KDM4C: variants seen among roughly 807,000 people sequenced by gnomAD.
KDM4C encodes lysine demethylase 4C.
In KDM4C, 81 loss-of-function variants were observed where a neutral mutation model predicts 129.3. The observed-to-expected ratio is 0.63, with a 90% CI of 0.52 to 0.75. The LOEUF is 0.75. Ranked by LOEUF, KDM4C falls within the 30% of genes least tolerant of loss-of-function variation. KDM4C has a pLI of 0.00. For synonymous variants in KDM4C, 573 were observed against 456.1 expected, an observed-to-expected ratio of 1.26 and a Z score of -3.26; for missense variants, 1,457 against 1,304.0, an observed-to-expected ratio of 1.12 and a Z score of -1.81.
chr9:6,969,084 G>T (rs73397827), intron 8 of KDM4C, among the ~76,000 whole-genome samples: 2,990 of 151,988 alleles, frequency 0.02, 109 homozygotes, highest in African/African-American at 0.069. Context: ...CACAGGCACG[G>T]ATCACCACAC....
At chr9:6,834,863 C>G in intron 4 of KDM4C, 1 of 1,339,860 alleles carries the variant, frequency 7.5e-7, no homozygotes, top group Non-Finnish European at 1.1e-6. Flanking sequence ...CATGGCCATC[C>G]AGCCCGTGCT....
At chr9:6,805,257 T>G (rs532254974) in intron 2 of KDM4C, among the ~76,000 whole-genome samples, 8 of 152,198 alleles carry the variant, frequency 5.3e-5, no homozygotes, top group African/African-American at 1.9e-4. Flanking sequence ...CAAACTGTTT[T>G]AATTAGAATT....
chr9:6,858,929 T>C (rs750259803), intron 5 of KDM4C, among the ~76,000 whole-genome samples: 4 of 152,152 alleles, frequency 2.6e-5, no homozygotes, highest in Admixed American at 1.3e-4. Context: ...AATTTAATAT[T>C]TGTTATGCAA....
At chr9:7,129,967 C>A (rs964360629) in intron 19 of KDM4C, among the ~76,000 whole-genome samples, 1 of 152,104 alleles carries the variant, frequency 6.6e-6, no homozygotes, top group Admixed American at 6.6e-5. Context: ...ACATGTAATC[C>A]GTCTCTAGAA....
At chr9:7,103,581 T>C (rs1243064794) in intron 17 of KDM4C, 104 bp from the exon 18 acceptor site, 1 of 334,202 alleles carries the variant, frequency 3.0e-6, no homozygotes. Context: ...TAATCAGTTG[T>C]TTTTTTTTTT....
At chr9:6,841,169 G>A (rs1200244494) in intron 4 of KDM4C, among the ~76,000 whole-genome samples, 1 of 152,090 alleles carries the variant, frequency 6.6e-6, no homozygotes, top group Non-Finnish European at 1.5e-5. Flanking sequence ...TTCTAATGAA[G>A]TGGTAGTTCC....
intron 17 of KDM4C, among the ~76,000 whole-genome samples, chr9:7,071,366 A>G (rs1217024037): frequency 2.6e-5 from 4 of 152,190 alleles, no homozygotes; most frequent in Non-Finnish European, 4.4e-5. Flanking sequence ...ACAAAATTGG[A>G]TGAATCTCAC....
intron 15 of KDM4C, among the ~76,000 whole-genome samples, chr9:7,038,123 A>G (rs535471145): frequency 2.6e-4 from 40 of 152,232 alleles, no homozygotes; most frequent in Non-Finnish European, 4.9e-4. Context: ...TTTTCATCTA[A>G]TTAAAAGAAA....
chr9:6,812,819 A>G (rs538716092), intron 3 of KDM4C, among the ~76,000 whole-genome samples: 29 of 152,316 alleles, frequency 1.9e-4, no homozygotes, highest in African/African-American at 6.5e-4. Flanking sequence ...ACTGGAACCT[A>G]CTAGCAGAAG....
Position 7,165,263 on chromosome 9 carries a change from C to T in KDM4C, c.2807C>T (p.Pro936Leu), listed in dbSNP as rs1235209479. 4.3e-6 allele frequency: 7 copies of T among 1,614,036 alleles called. No homozygotes were observed. The highest frequency in any genetic ancestry group is 5.9e-6 in the Non-Finnish European group (7 of 1,180,026). ...AGCCGAGACTGTCTGAAGCTGGGCC[C>T]ACCTGCTGAGGGAGAAGTCGTCCAA... ...IVSRDCLKLG[P>L]PAEGEVVQVK... The change falls in exon 20 of 22, where the codon CCA (proline) becomes CTA (leucine). Residue 936 changes from proline (P) to leucine (L), a missense_variant. Coordinates refer to ENST00000381309, the MANE Select transcript of KDM4C (RefSeq NM_015061.6).
chr9:6,963,569 G>C (rs1830374280), intron 8 of KDM4C, among the ~76,000 whole-genome samples: 1 of 152,220 alleles, frequency 6.6e-6, no homozygotes. Context: ...AATACAGTTG[G>C]TGCAACAAGG....
In KDM4C at chr9:7,012,390, T is replaced by C. The variant is rs114655906; in HGVS notation, c.1968+511T>C. Among the ~76,000 whole-genome samples the C allele has an allele frequency of 8.3e-3, 1,260 of 152,320 alleles. 19 individuals carry two copies. Among genetic ancestry groups the C allele is most frequent in the African/African-American group, 0.028 (1,161 of 41,568 alleles). ...TTTCATGGGTGGGTTACTTTCAACT[T>C]TTCTATCTCTTTTACTAAGAAACAC... is the stretch of plus-strand genomic sequence containing the variant. On this transcript the variant is annotated intron_variant, in intron 13 of 21. Coordinates refer to ENST00000381309, the MANE Select transcript of KDM4C (RefSeq NM_015061.6).
At chr9:7,064,445 GT>G (rs1832135891) in intron 17 of KDM4C, among the ~76,000 whole-genome samples, 1 of 152,188 alleles carries the variant, frequency 6.6e-6, no homozygotes, top group Admixed American at 6.5e-5. Flanking sequence ...AGTTTCAATA[GT>G]CAGGTGAAAG....
chr9:6,726,301 G>A (rs914168878), intron 1 of KDM4C, among the ~76,000 whole-genome samples: 1 of 152,188 alleles, frequency 6.6e-6, no homozygotes, highest in African/African-American at 2.4e-5. Context: ...CTATTTGTCT[G>A]AAGTGTAAAT....
chr9:6,787,030 A>G (rs561579986), intron 1 of KDM4C, among the ~76,000 whole-genome samples: 2 of 152,340 alleles, frequency 1.3e-5, no homozygotes, highest in Non-Finnish European at 2.9e-5. Flanking sequence ...AACCTAAGCT[A>G]TCTAGGTCTT....
chr9:6,963,724 C>T lies in KDM4C; in HGVS notation c.922-17201C>T, dbSNP rs563993470. Among the ~76,000 whole-genome samples, 8 of 152,252 alleles carry T rather than the reference C, an allele frequency of 5.3e-5. No individual in the cohort carries two copies. In the South Asian group the frequency reaches 6.2e-4, roughly 12 times the overall value. ...GCAATGTGTCCTGTCCTGTGTCTTC[C>T]GCACATTCTTCCAGAGAAGCATCAT... On this transcript the variant is annotated intron_variant, in intron 8 of 21. Coordinates refer to ENST00000381309, the MANE Select transcript of KDM4C (RefSeq NM_015061.6).
At chr9:7,080,306 C>G (rs1834384369) in intron 17 of KDM4C, among the ~76,000 whole-genome samples, 1 of 152,264 alleles carries the variant, frequency 6.6e-6, no homozygotes, top group East Asian at 1.9e-4. Flanking sequence ...ACCCTAGAGC[C>G]CAAATGTTGA....
intron 8 of KDM4C, among the ~76,000 whole-genome samples, chr9:6,896,130 A>T (rs1362475388): frequency 6.6e-6 from 1 of 152,178 alleles, no homozygotes; most frequent in Non-Finnish European, 1.5e-5. Context: ...CTGGAAACTG[A>T]TGTGTAGTGA....
chr9:6,844,867 T>C (rs575576683), intron 4 of KDM4C, among the ~76,000 whole-genome samples: 1 of 152,234 alleles, frequency 6.6e-6, no homozygotes, highest in East Asian at 1.9e-4. Flanking sequence ...TTTGTATTTT[T>C]AGTAGAGATG....
Sources: allele counts gnomAD v4.1 joint callset (sites outside exome capture counted in the v4.1 genomes callset), GRCh38; gene constraint gnomAD v4.1.1; transcripts MANE v1.5; gene names NCBI Gene and HGNC (gene_info 2026-07-23, HGNC 2026-07-21).